AUTS2: variants seen among roughly 807,000 people sequenced by gnomAD.
AUTS2 encodes the protein activator of transcription and developmental regulator AUTS2.
A neutral mutation model predicts 112.4 loss-of-function variants in AUTS2; 17 were observed. The ratio of observed to expected loss-of-function variants is 0.15; its 90% CI spans 0.10 to 0.23. AUTS2 has a LOEUF of 0.23. Ranked by LOEUF, AUTS2 falls within the 10% of genes least tolerant of loss-of-function variation. The pLI is 1.00. For missense variants in AUTS2, 1,510 were observed against 1,701.6 expected (o/e 0.89, Z 1.98); for synonymous variants, 751 against 702.7 (o/e 1.07, Z -1.09).
chr7:69,855,399 A>G (rs769436588), intron 1 of AUTS2, among the ~76,000 whole-genome samples: 2 of 152,212 alleles, frequency 1.3e-5, no homozygotes, highest in Non-Finnish European at 2.9e-5. Context: ...AAGAAACCTG[A>G]CACCTGTAGA....
At chr7:69,733,889 C>A (rs1477240350) in intron 1 of AUTS2, among the ~76,000 whole-genome samples, 1 of 152,110 alleles carries the variant, frequency 6.6e-6, no homozygotes, top group African/African-American at 2.4e-5. Flanking sequence ...TATTAATGTT[C>A]TAAGAGTGGC....
At chr7:70,057,302 A>G (rs766231457) in intron 2 of AUTS2, among the ~76,000 whole-genome samples, 12 of 152,306 alleles carry the variant, frequency 7.9e-5, no homozygotes, top group Middle Eastern at 3.4e-3. Context: ...ATAATGATTA[A>G]TGATGCCAAA....
chr7:70,757,141 A>G (rs1393153745), intron 6 of AUTS2, among the ~76,000 whole-genome samples: 1 of 150,996 alleles, frequency 6.6e-6, no homozygotes, highest in Non-Finnish European at 1.5e-5. Context: ...AACACTTTGA[A>G]AAAAGCAATT....
At chr7:70,527,974 C>G (rs1799913726) in intron 5 of AUTS2, among the ~76,000 whole-genome samples, 1 of 152,086 alleles carries the variant, frequency 6.6e-6, no homozygotes, top group African/African-American at 2.4e-5. Context: ...GAATTAGAGC[C>G]ACTCCTAACA....
intron 5 of AUTS2, among the ~76,000 whole-genome samples, chr7:70,555,233 G>T (rs1458618451): frequency 6.6e-6 from 1 of 152,198 alleles, no homozygotes; most frequent in African/African-American, 2.4e-5. Flanking sequence ...CCAAGACCCT[G>T]TTGGAGGAAG....
intron 4 of AUTS2, among the ~76,000 whole-genome samples, chr7:70,378,460 C>T (rs896343399): frequency 3.3e-5 from 5 of 152,156 alleles, no homozygotes; most frequent in African/African-American, 9.7e-5. Flanking sequence ...TGAGAACAAG[C>T]ATGTATTCAT....
intron 2 of AUTS2, among the ~76,000 whole-genome samples, chr7:70,083,873 A>G (rs1038837473): frequency 3.9e-5 from 6 of 152,088 alleles, no homozygotes; most frequent in Admixed American, 3.9e-4. Flanking sequence ...CTTGAGCCCA[A>G]GAGGTCAAGA....
intron 4 of AUTS2, among the ~76,000 whole-genome samples, chr7:70,223,384 C>T (rs745852725): frequency 7.2e-5 from 11 of 152,086 alleles, no homozygotes; most frequent in Non-Finnish European, 1.5e-4. Flanking sequence ...AACAGAGTCC[C>T]ACGAGATTAT....
chr7:70,696,488 T>C (rs1467168893), intron 5 of AUTS2, among the ~76,000 whole-genome samples: 2 of 152,186 alleles, frequency 1.3e-5, no homozygotes, highest in African/African-American at 2.4e-5. Context: ...CTCCTAAGCC[T>C]CTCTGAATAT....
intron 2 of AUTS2, among the ~76,000 whole-genome samples, chr7:69,949,954 G>T (rs1259906886): frequency 6.6e-6 from 1 of 152,116 alleles, no homozygotes; most frequent in African/African-American, 2.4e-5. Flanking sequence ...CTTAACTCTG[G>T]TGTGTACTTC....
At chr7:70,728,356 T>C (rs1230689100) in intron 6 of AUTS2, among the ~76,000 whole-genome samples, 3 of 152,100 alleles carry the variant, frequency 2.0e-5, no homozygotes, top group Non-Finnish European at 2.9e-5. Context: ...ATTATCTGGT[T>C]GGAAAACTAG....
intron 4 of AUTS2, among the ~76,000 whole-genome samples, chr7:70,210,901 G>A (rs1810847650): frequency 6.6e-6 from 1 of 152,086 alleles, no homozygotes; most frequent in Non-Finnish European, 1.5e-5. Flanking sequence ...CCTGTCTCTT[G>A]GGGTTTCTTA....
At chr7:70,615,787 C>T (rs1477750898) in intron 5 of AUTS2, among the ~76,000 whole-genome samples, 1 of 151,944 alleles carries the variant, frequency 6.6e-6, no homozygotes, top group South Asian at 2.1e-4. Context: ...GCTCTGTTGC[C>T]CAGGATAGAG....
At chr7:70,784,180 G>C (rs1303048216) in intron 15 of AUTS2, 1 of 152,206 alleles carries the variant, frequency 6.6e-6, no homozygotes, top group East Asian at 1.9e-4. Flanking sequence ...TGAAAGTTGA[G>C]AGACATCAGA....
chr7:70,616,297 C>T (rs959281867), intron 5 of AUTS2, among the ~76,000 whole-genome samples: 13 of 152,166 alleles, frequency 8.5e-5, no homozygotes, highest in Non-Finnish European at 1.8e-4. Context: ...CTCACCAGCC[C>T]CATGTGGCAG....
rs538090830 is a variant in AUTS2 at position 69,948,851 on chromosome 7, G to C, written c.522+49353G>C. Among the ~76,000 whole-genome samples the C allele has an allele frequency of 1.9e-4, 29 of 151,278 alleles. 1 individual carries two copies. Among genetic ancestry groups the C allele is most frequent in the Admixed American group, 1.6e-3 (25 of 15,182 alleles). Reference sequence around the variant, plus strand: ...ACAGAGTTTCACTCTTGTCACCCAGGCTGGAGTGCAATGGCATGATCTTGG... The same window carrying C: ...ACAGAGTTTCACTCTTGTCACCCAGCCTGGAGTGCAATGGCATGATCTTGG... On this transcript the variant is annotated intron_variant, in intron 2 of 18. Transcript: ENST00000342771.
chr7:69,612,491 G>T (rs773749371), intron 1 of AUTS2, among the ~76,000 whole-genome samples: 2 of 151,082 alleles, frequency 1.3e-5, no homozygotes, highest in East Asian at 1.9e-4. Context: ...ACATGTTCTC[G>T]CTCTGTTGCC....
chr7:70,620,215 A>G (rs1804598244), intron 5 of AUTS2, among the ~76,000 whole-genome samples: 1 of 152,212 alleles, frequency 6.6e-6, no homozygotes, highest in Non-Finnish European at 1.5e-5. Context: ...CTGCATGTAA[A>G]TGCAATTTTT....
At chr7:69,848,140 C>T (rs572104142) in intron 1 of AUTS2, among the ~76,000 whole-genome samples, 1 of 152,298 alleles carries the variant, frequency 6.6e-6, no homozygotes, top group African/African-American at 2.4e-5. Flanking sequence ...CTCATACCCT[C>T]ATAGGAATAG....
Sources: gnomAD v4.1 joint callset for allele counts (sites outside exome capture counted in the v4.1 genomes callset) on GRCh38, gnomAD v4.1.1 for gene constraint, MANE v1.5 for transcripts, NCBI Gene and HGNC (gene_info 2026-07-23, HGNC 2026-07-21) for gene names.